GALNT13: variants seen among roughly 807,000 people sequenced by gnomAD.
GALNT13 encodes UDP-GalNAc:polypeptide N-acetylgalactosaminyltransferase 13.
GALNT13 carries 28 observed loss-of-function variants against 64.2 expected under a neutral mutation model. The ratio of observed to expected loss-of-function variants is 0.44; its 90% CI spans 0.32 to 0.60. The LOEUF (loss-of-function observed/expected upper bound fraction) is 0.60. Among genes scored for constraint, GALNT13 ranks in the 20% least tolerant of loss-of-function variants. The pLI is 0.05. For missense variants in GALNT13, 577 were observed against 669.8 expected (o/e 0.86, Z 1.53); for synonymous variants, 214 against 224.6 (o/e 0.95, Z 0.42).
chr2:153,532,973 A>G, the GALNT13 span, among the ~76,000 whole-genome samples: 2 of 152,210 alleles, frequency 1.3e-5, no homozygotes, highest in Non-Finnish European at 2.9e-5. Flanking sequence ...TCCATGAGCT[A>G]ATTATTAGGC....
At chr2:154,445,535 A>T (rs1363964755) in intron 12 of GALNT13, among the ~76,000 whole-genome samples, 1 of 152,024 alleles carries the variant, frequency 6.6e-6, no homozygotes, top group Non-Finnish European at 1.5e-5. Context: ...AAACAAAAAT[A>T]TAAACTAGTC....
At chr2:153,715,967 G>T in the GALNT13 span, among the ~76,000 whole-genome samples, 1 of 151,868 alleles carries the variant, frequency 6.6e-6, no homozygotes, top group South Asian at 2.1e-4. Context: ...TAAGGATTTT[G>T]GGATCCTGAG....
the GALNT13 span, among the ~76,000 whole-genome samples, chr2:153,552,828 A>G: frequency 1.3e-5 from 2 of 151,922 alleles, no homozygotes; most frequent in African/African-American, 4.8e-5. Flanking sequence ...CAGGCATTAG[A>G]TTCTCATAAG....
intron 7 of GALNT13, among the ~76,000 whole-genome samples, chr2:154,246,232 A>G (rs1335437552): frequency 1.3e-5 from 2 of 152,134 alleles, no homozygotes; most frequent in African/African-American, 2.4e-5. Flanking sequence ...CTTGTATTCA[A>G]AATATATTTA....
At chr2:153,569,864 C>T in the GALNT13 span, among the ~76,000 whole-genome samples, 1 of 152,170 alleles carries the variant, frequency 6.6e-6, no homozygotes, top group Non-Finnish European at 1.5e-5. Flanking sequence ...AGCCTGCACT[C>T]TCTACGTCCT....
At chr2:153,635,839 A>G in the GALNT13 span, among the ~76,000 whole-genome samples, 2 of 152,286 alleles carry the variant, frequency 1.3e-5, no homozygotes, top group East Asian at 3.9e-4. Flanking sequence ...TCTTTCTAGT[A>G]TCATGTTTTT....
At chr2:153,239,289 A>G in the GALNT13 span, among the ~76,000 whole-genome samples, 1 of 152,082 alleles carries the variant, frequency 6.6e-6, no homozygotes, top group East Asian at 1.9e-4. Context: ...AGGCAAGAAT[A>G]ATTTGCCATC....
At chr2:154,185,614 T>C (rs948454204) in intron 4 of GALNT13, among the ~76,000 whole-genome samples, 7 of 151,972 alleles carry the variant, frequency 4.6e-5, no homozygotes, top group African/African-American at 1.7e-4. Flanking sequence ...TTCTTATATT[T>C]GATTAAATCT....
chr2:153,625,135 A>G, the GALNT13 span, among the ~76,000 whole-genome samples: 2 of 152,174 alleles, frequency 1.3e-5, no homozygotes, highest in East Asian at 3.9e-4. Flanking sequence ...AGGCTTTTGA[A>G]CTACAGTCTC....
chr2:154,180,475 T>A (rs1685895575), intron 4 of GALNT13, among the ~76,000 whole-genome samples: 1 of 152,178 alleles, frequency 6.6e-6, no homozygotes, highest in South Asian at 2.1e-4. Context: ...TTACAATTTC[T>A]TGCTGAAAGA....
intron 3 of GALNT13, among the ~76,000 whole-genome samples, chr2:154,076,908 T>A (rs1574459733): frequency 6.6e-6 from 1 of 151,660 alleles, no homozygotes; most frequent in East Asian, 1.9e-4. Flanking sequence ...TGGTTTTGCT[T>A]CTTTGCTATA....
the GALNT13 span, among the ~76,000 whole-genome samples, chr2:153,455,242 A>AT: frequency 6.6e-6 from 1 of 152,210 alleles, no homozygotes; most frequent in Admixed American, 6.5e-5. Flanking sequence ...GAAACAAGGG[A>AT]TAAAATTTAA....
the GALNT13 span, among the ~76,000 whole-genome samples, chr2:153,287,520 G>C: frequency 2.6e-5 from 4 of 152,178 alleles, no homozygotes; most frequent in African/African-American, 9.7e-5. Context: ...GCTCTCAGCA[G>C]ATGAATGGTG....
chr2:153,450,912 A>G, the GALNT13 span, among the ~76,000 whole-genome samples: 1 of 152,220 alleles, frequency 6.6e-6, no homozygotes, highest in African/African-American at 2.4e-5. Flanking sequence ...GAAAGTAAAC[A>G]TGATACAATA....
At chr2:153,857,580 C>A in the GALNT13 span, among the ~76,000 whole-genome samples, 2 of 152,184 alleles carry the variant, frequency 1.3e-5, no homozygotes, top group African/African-American at 4.8e-5. Flanking sequence ...AGGTCATGAT[C>A]TTTTGTTTTT....
the GALNT13 span, among the ~76,000 whole-genome samples, chr2:153,512,401 G>A: frequency 6.6e-5 from 10 of 152,158 alleles, no homozygotes; most frequent in South Asian, 2.1e-4. Flanking sequence ...GCCATGCTTC[G>A]TGAGGGCTAC....
At chr2:153,739,625 ATTATT>A in the GALNT13 span, among the ~76,000 whole-genome samples, 6 of 69,834 alleles carry the variant, frequency 8.6e-5, no homozygotes, top group East Asian at 4.2e-4. Context: ...GATTTTATTT[ATTATT>A]TTATTTTATT....
At chr2:154,447,831 G>C (rs1701672014) in intron 12 of GALNT13, among the ~76,000 whole-genome samples, 1 of 152,036 alleles carries the variant, frequency 6.6e-6, no homozygotes, top group African/African-American at 2.4e-5. Context: ...AGCAATTTAT[G>C]TGTATTATCT....
the GALNT13 span, among the ~76,000 whole-genome samples, chr2:153,862,721 CAT>C: frequency 6.6e-6 from 1 of 151,694 alleles, no homozygotes; most frequent in African/African-American, 2.4e-5. Flanking sequence ...TATTTTATAG[CAT>C]ATATATATTT....
Sources: allele counts gnomAD v4.1 joint callset (sites outside exome capture counted in the v4.1 genomes callset), GRCh38; gene constraint gnomAD v4.1.1; transcripts MANE v1.5; gene names NCBI Gene and HGNC (gene_info 2026-07-23, HGNC 2026-07-21).